FAM110B: variants seen among roughly 807,000 people sequenced by gnomAD.
FAM110B encodes the protein protein FAM110B.
In FAM110B, 6 loss-of-function variants were observed where a neutral mutation model predicts 20.4. The observed-to-expected ratio is 0.29, with a 90% CI of 0.16 to 0.58. The LOEUF (loss-of-function observed/expected upper bound fraction) is 0.58, where lower values mean the gene tolerates loss of function less well. Ranked by LOEUF, FAM110B falls within the 20% of genes least tolerant of loss-of-function variation. The probability of loss-of-function intolerance (pLI) is 0.90; values close to 1 mark genes in which losing one functional copy is unlikely to be tolerated. For synonymous variants in FAM110B, 226 were observed against 214.1 expected (o/e 1.06, Z -0.49); for missense variants, 434 against 498.2 (o/e 0.87, Z 1.23).
rs145606448 is a variant in FAM110B, at chr8:58,134,519, A to C, written c.-324-11388A>C. ...ATTTTCATTGGGCCTTTACAATATGAAAGGGTGTGCTAGGTATTCTACTGA... is the reference window on the plus strand; with the variant it reads ...ATTTTCATTGGGCCTTTACAATATGCAAGGGTGTGCTAGGTATTCTACTGA... On this transcript the variant is annotated intron_variant, in intron 3 of 3. Transcript: ENST00000519262. 5.5e-3 allele frequency among the ~76,000 whole-genome samples: 841 copies of C among 152,324 alleles called. 1 individual carries two copies. The highest frequency in any genetic ancestry group is 8.2e-3 in the Non-Finnish European group (558 of 68,024).
chr8:58,136,653 T>G (rs1263589986), intron 3 of FAM110B, among the ~76,000 whole-genome samples: 1 of 152,152 alleles, frequency 6.6e-6, no homozygotes, highest in African/African-American at 2.4e-5. Context: ...TAATCCCAGG[T>G]AAAAGGCAAG....
intron 3 of FAM110B, among the ~76,000 whole-genome samples, chr8:58,096,476 G>A (rs1009382749): frequency 1.3e-5 from 2 of 151,994 alleles, no homozygotes; most frequent in South Asian, 2.1e-4. Flanking sequence ...GCGACCAGCC[G>A]GGTCTTGACT....
At chr8:58,018,423 A>G (rs1352185460) in intron 1 of FAM110B, among the ~76,000 whole-genome samples, 1 of 152,116 alleles carries the variant, frequency 6.6e-6, no homozygotes, top group Non-Finnish European at 1.5e-5. Context: ...CAGCTTTCTC[A>G]TGATTATAGA....
At chr8:58,000,430 A>G (rs1804269839) in intron 1 of FAM110B, among the ~76,000 whole-genome samples, 1 of 152,208 alleles carries the variant, frequency 6.6e-6, no homozygotes, top group Non-Finnish European at 1.5e-5. Context: ...TCAACAGGAA[A>G]TCATACTCAT....
At chr8:58,089,026 T>C (rs916233655) in intron 3 of FAM110B, among the ~76,000 whole-genome samples, 8 of 152,188 alleles carry the variant, frequency 5.3e-5, no homozygotes, top group Non-Finnish European at 1.2e-4. Context: ...AAGATGACAA[T>C]CAAATGGTCC....
At chr8:58,017,900 A>G (rs1585814475) in intron 1 of FAM110B, among the ~76,000 whole-genome samples, 2 of 152,140 alleles carry the variant, frequency 1.3e-5, no homozygotes, top group Non-Finnish European at 2.9e-5. Flanking sequence ...CCCCAGGACT[A>G]GAGAAAAACA....
chr8:58,011,332 C>T (rs1347632645), intron 1 of FAM110B, among the ~76,000 whole-genome samples: 1 of 152,184 alleles, frequency 6.6e-6, no homozygotes, highest in African/African-American at 2.4e-5. Context: ...ACCCAGACCA[C>T]TGCAACTCTG....
intron 1 of FAM110B, among the ~76,000 whole-genome samples, chr8:58,020,025 T>C (rs1585816387): frequency 6.6e-6 from 1 of 152,152 alleles, no homozygotes; most frequent in East Asian, 1.9e-4. Context: ...GTTGCTTTTC[T>C]GTCTATGATT....
At chr8:58,086,076 T>C (rs1806324925) in intron 3 of FAM110B, among the ~76,000 whole-genome samples, 1 of 152,208 alleles carries the variant, frequency 6.6e-6, no homozygotes. Context: ...CTAATAAATG[T>C]GGCTAAAATG....
chr8:58,137,438 G>A (rs373382344), intron 3 of FAM110B, among the ~76,000 whole-genome samples: 3 of 152,262 alleles, frequency 2.0e-5, no homozygotes, highest in South Asian at 2.1e-4. Context: ...GCAGGCGCCT[G>A]TAATCCCAGC....
chr8:58,009,406 C>T (rs953359798), intron 1 of FAM110B, among the ~76,000 whole-genome samples: 89 of 152,196 alleles, frequency 5.8e-4, no homozygotes, highest in African/African-American at 2.1e-3. Flanking sequence ...GGCCACGGGA[C>T]ACGTGGCTGC....
intron 3 of FAM110B, among the ~76,000 whole-genome samples, chr8:58,140,263 C>T (rs188708178): frequency 2.0e-5 from 3 of 152,286 alleles, no homozygotes. Context: ...TCTTAAACAT[C>T]TCTTGAAACT....
chr8:58,119,562 A>C (rs1807302490), intron 3 of FAM110B, among the ~76,000 whole-genome samples: 1 of 152,360 alleles, frequency 6.6e-6, no homozygotes, highest in African/African-American at 2.4e-5. Context: ...AGGGAGAAAT[A>C]GTGGTGCGTA....
At position 58,120,453 on chromosome 8, in the gene FAM110B, A is replaced by G. The variant is rs1369018128; in HGVS notation, c.-324-25454A>G. Among the ~76,000 whole-genome samples, 3 of 152,244 alleles carry G rather than the reference A, an allele frequency of 2.0e-5. No individual in the cohort carries two copies. In the East Asian group the frequency reaches 5.8e-4, roughly 29 times the overall value. On this transcript the variant is annotated intron_variant, in intron 3 of 3. Transcript: ENST00000519262. ...CACACTAAGGAATAATGGAGAATGTAGGAATAAGAGAATAACTCCACCAAC... is the reference window on the plus strand; with the variant it reads ...CACACTAAGGAATAATGGAGAATGTGGGAATAAGAGAATAACTCCACCAAC...
intron 1 of FAM110B, among the ~76,000 whole-genome samples, chr8:58,006,112 C>T (rs1342750485): frequency 6.6e-6 from 1 of 152,094 alleles, no homozygotes; most frequent in African/African-American, 2.4e-5. Flanking sequence ...TTTCCTGGCA[C>T]TATTTTGTAC....
intron 2 of FAM110B, among the ~76,000 whole-genome samples, chr8:58,041,273 C>T (rs768036289): frequency 7.2e-5 from 11 of 152,138 alleles, no homozygotes; most frequent in Admixed American, 2.6e-4. Context: ...CTGTGCACAC[C>T]TCACTAACAT....
chr8:58,122,470 C>T (rs1422784584), intron 3 of FAM110B, among the ~76,000 whole-genome samples: 1 of 152,054 alleles, frequency 6.6e-6, no homozygotes, highest in Admixed American at 6.6e-5. Flanking sequence ...GGGATGGATC[C>T]TCTAATTTTT....
intron 1 of FAM110B, among the ~76,000 whole-genome samples, chr8:57,996,521 G>A (rs138848597): frequency 2.6e-5 from 4 of 152,230 alleles, no homozygotes; most frequent in African/African-American, 9.6e-5. Context: ...GCATGGTGAG[G>A]GTTGATTTAA....
chr8:58,037,672 A>T (rs1043576741), intron 2 of FAM110B, among the ~76,000 whole-genome samples: 1 of 152,092 alleles, frequency 6.6e-6, no homozygotes, highest in African/African-American at 2.4e-5. Flanking sequence ...TAGGTTGCAT[A>T]CATCAGTCAT....
Sources: allele counts gnomAD v4.1 joint callset (sites outside exome capture counted in the v4.1 genomes callset), GRCh38; gene constraint gnomAD v4.1.1; transcripts MANE v1.5; gene names NCBI Gene and HGNC (gene_info 2026-07-23, HGNC 2026-07-21).